Variants in ARHGAP24 observed in about 807,000 individuals in gnomAD.
The protein encoded by ARHGAP24 is Rho GTPase activating protein 24, also known as rho GTPase-activating protein 24.
In ARHGAP24, 50 loss-of-function variants were observed where a neutral mutation model predicts 76.4. The ratio of observed to expected loss-of-function variants is 0.65; its 90% CI spans 0.52 to 0.83. The LOEUF (loss-of-function observed/expected upper bound fraction) is 0.83. Among genes scored for constraint, ARHGAP24 ranks in the 40% least tolerant of loss-of-function variants. ARHGAP24 has a pLI of 0.00. For synonymous variants in ARHGAP24, 345 were observed against 323.3 expected (o/e 1.07, Z -0.72); for missense variants, 930 against 914.2 (o/e 1.02, Z -0.22).
Position 85,842,807 on chromosome 4 carries a change from T to C in ARHGAP24, c.269-80841T>C, listed in dbSNP as rs80270352. Among the ~76,000 whole-genome samples, 1,169 of 152,334 alleles carry C rather than the reference T, an allele frequency of 7.7e-3. 12 individuals carry two copies. Among genetic ancestry groups the C allele is most frequent in the African/African-American group, 0.027 (1,111 of 41,588 alleles). On this transcript the variant is annotated intron_variant, in intron 3 of 9. Coordinates refer to ENST00000395184, the MANE Select transcript of ARHGAP24 (RefSeq NM_001025616.3). ...AGGGGAAGAGGAAGGGAGCTCATGTTTATTGAACGTCTACTCTGTGCCAAA... is the reference window on the plus strand; with the variant it reads ...AGGGGAAGAGGAAGGGAGCTCATGTCTATTGAACGTCTACTCTGTGCCAAA...
At chr4:85,623,219 T>C (rs1720788447) in intron 2 of ARHGAP24, among the ~76,000 whole-genome samples, 1 of 152,224 alleles carries the variant, frequency 6.6e-6, no homozygotes, top group Non-Finnish European at 1.5e-5. Context: ...CTAGGGTTTT[T>C]ATGGTTTTAG....
intron 2 of ARHGAP24, among the ~76,000 whole-genome samples, chr4:85,716,756 T>C (rs1724747969): frequency 6.6e-6 from 1 of 152,026 alleles, no homozygotes; most frequent in Non-Finnish European, 1.5e-5. Context: ...TGAAAACCAG[T>C]GGATAGGTAA....
At chr4:85,507,540 C>T (rs1724111941) in intron 1 of ARHGAP24, among the ~76,000 whole-genome samples, 3 of 152,024 alleles carry the variant, frequency 2.0e-5, no homozygotes, top group Admixed American at 1.3e-4. Flanking sequence ...ACTGACATTC[C>T]CATCAGCAGA....
intron 5 of ARHGAP24, among the ~76,000 whole-genome samples, chr4:85,961,479 CTTTA>C (rs1738245599): frequency 6.6e-6 from 1 of 151,962 alleles, no homozygotes; most frequent in African/African-American, 2.4e-5. Context: ...GATTTGTTTA[CTTTA>C]TTTATTTTTA....
intron 3 of ARHGAP24, among the ~76,000 whole-genome samples, chr4:85,769,924 T>C (rs1246165933): frequency 5.3e-5 from 8 of 152,080 alleles, no homozygotes; most frequent in Non-Finnish European, 1.0e-4. Context: ...TTGGTGAGGG[T>C]AGAAAGGGTA....
At chr4:85,916,719 C>T (rs1340472026) in intron 3 of ARHGAP24, among the ~76,000 whole-genome samples, 1 of 152,120 alleles carries the variant, frequency 6.6e-6, no homozygotes, top group Non-Finnish European at 1.5e-5. Flanking sequence ...TGAGTATTCA[C>T]TGAAATGTCC....
chr4:85,782,057 AAAAAAG>A (rs748557908), intron 3 of ARHGAP24, among the ~76,000 whole-genome samples: 28,300 of 109,426 alleles, frequency 0.26, 3,565 homozygotes, highest in Non-Finnish European at 0.36. Flanking sequence ...AAAAAGAAAA[AAAAAAG>A]AAAAAAAAAA....
At chr4:85,589,524 A>G (rs1192071966) in intron 2 of ARHGAP24, among the ~76,000 whole-genome samples, 1 of 152,170 alleles carries the variant, frequency 6.6e-6, no homozygotes, top group Non-Finnish European at 1.5e-5. Flanking sequence ...TCTTTTTCTC[A>G]TGTAATCATG....
intron 3 of ARHGAP24, among the ~76,000 whole-genome samples, chr4:85,850,704 A>G (rs1001422588): frequency 2.0e-4 from 31 of 152,194 alleles, no homozygotes; most frequent in South Asian, 8.3e-4. Context: ...ATTTCATTAC[A>G]TACCCAGTAG....
chr4:85,947,118 C>A (rs1259476423), intron 5 of ARHGAP24, among the ~76,000 whole-genome samples: 4 of 152,052 alleles, frequency 2.6e-5, no homozygotes, highest in African/African-American at 9.7e-5. Flanking sequence ...TTGTTGGCAT[C>A]TTGTATGTCT....
intron 1 of ARHGAP24, among the ~76,000 whole-genome samples, chr4:85,559,579 T>C (rs367922776): frequency 2.0e-5 from 3 of 152,358 alleles, no homozygotes; most frequent in Admixed American, 1.3e-4. Context: ...TTTCTTTTCT[T>C]TGTGACAGTT....
chr4:85,548,281 G>A (rs10017712), intron 1 of ARHGAP24, among the ~76,000 whole-genome samples: 52,327 of 151,988 alleles, frequency 0.34, 10,238 homozygotes, highest in East Asian at 0.82. Flanking sequence ...TTGAGAAGTG[G>A]ATGGCATTTA....
chr4:85,866,071 G>T (rs1346375216), intron 3 of ARHGAP24, among the ~76,000 whole-genome samples: 1 of 152,048 alleles, frequency 6.6e-6, no homozygotes, highest in African/African-American at 2.4e-5. Flanking sequence ...TTCTCACAAT[G>T]ATCCCTTATA....
chr4:85,626,054 C>T (rs1257968560), intron 2 of ARHGAP24, among the ~76,000 whole-genome samples: 1 of 152,160 alleles, frequency 6.6e-6, no homozygotes, highest in Non-Finnish European at 1.5e-5. Flanking sequence ...TTAATTGGAA[C>T]ATTTAGTCCA....
chr4:85,934,216 A>G (rs1736505372), intron 4 of ARHGAP24, among the ~76,000 whole-genome samples: 1 of 152,228 alleles, frequency 6.6e-6, no homozygotes, highest in East Asian at 1.9e-4. Context: ...TATTGCTCAC[A>G]GGAGGAAGTC....
intron 4 of ARHGAP24, among the ~76,000 whole-genome samples, chr4:85,933,540 C>T (rs547115886): frequency 6.6e-6 from 1 of 152,238 alleles, no homozygotes; most frequent in South Asian, 2.1e-4. Context: ...AAAATGATTT[C>T]CCAGTGGTTT....
chr4:85,622,609 C>A (rs1195082446), intron 2 of ARHGAP24, among the ~76,000 whole-genome samples: 1 of 152,110 alleles, frequency 6.6e-6, no homozygotes, highest in African/African-American at 2.4e-5. Flanking sequence ...TGGGTATATA[C>A]CCAGTAATGG....
At chr4:85,908,309 C>T (rs1006147844) in intron 3 of ARHGAP24, among the ~76,000 whole-genome samples, 2 of 152,184 alleles carry the variant, frequency 1.3e-5, no homozygotes, top group African/African-American at 4.8e-5. Context: ...CCATCTTCCT[C>T]ATTTCATGGT....
intron 1 of ARHGAP24, among the ~76,000 whole-genome samples, chr4:85,480,065 A>G (rs535392471): frequency 6.6e-6 from 1 of 152,298 alleles, no homozygotes; most frequent in South Asian, 2.1e-4. Context: ...CTGGAAATGT[A>G]CTTACTATAA....
Sources: gnomAD v4.1 joint callset for allele counts (sites outside exome capture counted in the v4.1 genomes callset) on GRCh38, gnomAD v4.1.1 for gene constraint, MANE v1.5 for transcripts, NCBI Gene and HGNC (gene_info 2026-07-23, HGNC 2026-07-21) for gene names.